Variants in ILRUN observed in about 807,000 individuals in gnomAD.
The protein encoded by ILRUN is inflammation and lipid regulator with UBA-like and NBR1-like domains.
ILRUN carries 3 observed loss-of-function variants against 33.8 expected under a neutral mutation model. That is an observed-to-expected ratio of 0.09 (90% CI 0.04 to 0.23). The LOEUF is 0.23. ILRUN is among the 10% of genes least tolerant of loss of function. The probability of loss-of-function intolerance (pLI) is 1.00; values close to 1 mark genes in which losing one functional copy is unlikely to be tolerated. For missense variants in ILRUN, 210 were observed against 375.1 expected, an observed-to-expected ratio of 0.56 and a Z score of 3.64; for synonymous variants, 124 against 138.9, an observed-to-expected ratio of 0.89 and a Z score of 0.75.
At chr6:34,611,534 C>T (rs1761753450) in intron 3 of ILRUN, among the ~76,000 whole-genome samples, 1 of 152,086 alleles carries the variant, frequency 6.6e-6, no homozygotes, top group East Asian at 1.9e-4. Context: ...ATGCGTTCAC[C>T]CCCTGCCTAC....
At chr6:34,622,921 AAAGG>A (rs1207173061) in intron 3 of ILRUN, among the ~76,000 whole-genome samples, 18 of 152,220 alleles carry the variant, frequency 1.2e-4, no homozygotes, top group South Asian at 4.1e-4. Flanking sequence ...TCAGCCTTTA[AAAGG>A]AAGGAAATTC....
At chr6:34,626,603 A>C (rs943112803) in intron 3 of ILRUN, among the ~76,000 whole-genome samples, 1 of 152,254 alleles carries the variant, frequency 6.6e-6, no homozygotes, top group Admixed American at 6.5e-5. Context: ...TCGATGAACC[A>C]ACACTGACAC....
intron 3 of ILRUN, among the ~76,000 whole-genome samples, chr6:34,632,095 T>G (rs1264066722): frequency 6.6e-6 from 1 of 152,172 alleles, no homozygotes; most frequent in Non-Finnish European, 1.5e-5. Flanking sequence ...AACAAAAAAG[T>G]TTTTTGCTTT....
intron 1 of ILRUN, among the ~76,000 whole-genome samples, chr6:34,676,304 C>A (rs9469842): frequency 0.16 from 24,126 of 151,524 alleles, 2,525 homozygotes; most frequent in African/African-American, 0.29. Context: ...GAGGCTGAGG[C>A]AGGAGGATAA....
At chr6:34,684,566 A>G (rs566264448) in intron 1 of ILRUN, among the ~76,000 whole-genome samples, 3 of 152,196 alleles carry the variant, frequency 2.0e-5, no homozygotes, top group African/African-American at 7.2e-5. Context: ...GGAGAAACAA[A>G]GGCTGTTAGG....
At chr6:34,623,823 T>G (rs1762057157) in intron 3 of ILRUN, among the ~76,000 whole-genome samples, 1 of 152,112 alleles carries the variant, frequency 6.6e-6, no homozygotes, top group South Asian at 2.1e-4. Context: ...GTATTCTTAC[T>G]CCTCCAATAC....
At chr6:34,597,824 T>C (rs939601357) in intron 4 of ILRUN, among the ~76,000 whole-genome samples, 1 of 152,208 alleles carries the variant, frequency 6.6e-6, no homozygotes, top group Admixed American at 6.5e-5. Flanking sequence ...GCAGCCAAGC[T>C]GGCCAGTGTC....
intron 3 of ILRUN, among the ~76,000 whole-genome samples, chr6:34,609,809 C>T (rs1468394732): frequency 6.6e-6 from 1 of 152,120 alleles, no homozygotes; most frequent in Non-Finnish European, 1.5e-5. Flanking sequence ...AAGCCACCAG[C>T]AGCAGCACTA....
intron 4 of ILRUN, 45 bp from the exon 5 acceptor site, chr6:34,590,645 C>T (rs1188015204): frequency 7.3e-7 from 1 of 1,371,914 alleles, no homozygotes; most frequent in Non-Finnish European, 1.0e-6. Context: ...CATAGCAGTG[C>T]AACTTGACAA....
chr6:34,651,825 C>T (rs1208664969), intron 2 of ILRUN, among the ~76,000 whole-genome samples: 2 of 124,036 alleles, frequency 1.6e-5, no homozygotes, highest in Non-Finnish European at 3.2e-5. Context: ...TGGAGTCTGG[C>T]TCTGTTGCCC....
chr6:34,659,019 A>G (rs1439217249), intron 1 of ILRUN, among the ~76,000 whole-genome samples: 1 of 152,264 alleles, frequency 6.6e-6, no homozygotes. Context: ...TATTTAATGA[A>G]CGAGCATTTA....
chr6:34,685,239 G>T (rs1763489018), intron 1 of ILRUN: 1 of 152,154 alleles, frequency 6.6e-6, no homozygotes, highest in South Asian at 2.1e-4. Context: ...GGGCCTTAAA[G>T]ATAACTCAGT....
At chr6:34,621,120 C>T (rs779482794) in intron 3 of ILRUN, among the ~76,000 whole-genome samples, 1 of 152,150 alleles carries the variant, frequency 6.6e-6, no homozygotes, top group Non-Finnish European at 1.5e-5. Context: ...TACAACGACA[C>T]TTACAAAAAG....
intron 3 of ILRUN, among the ~76,000 whole-genome samples, chr6:34,632,981 C>T (rs1488102571): frequency 6.6e-6 from 1 of 152,026 alleles, no homozygotes; most frequent in African/African-American, 2.4e-5. Context: ...ATAGTCTAAA[C>T]ACACCAATTA....
At chr6:34,596,707 G>A (rs1761406704) in intron 4 of ILRUN, among the ~76,000 whole-genome samples, 1 of 152,090 alleles carries the variant, frequency 6.6e-6, no homozygotes, top group Admixed American at 6.5e-5. Flanking sequence ...CCAAAGAATA[G>A]GAAAAAACCC....
In ILRUN at chr6:34,646,060, T is replaced by C. The variant is rs1013861233; in HGVS notation, c.511+541A>G. On this transcript the variant is annotated intron_variant, in intron 3 of 4. Coordinates refer to ENST00000374023, the MANE Select transcript of ILRUN (RefSeq NM_024294.4). This position sits in a 1 kb window ranked among gnomAD's most constrained non-coding sequence, Gnocchi z 4.9. ...GCTACTGGATTTGGAAACAGGGTAG[T>C]CCCTGATTAACTTTCATTGGAGTGG... Among the ~76,000 whole-genome samples the C allele has an allele frequency of 1.9e-4, 29 of 152,220 alleles. No homozygotes were observed. Among genetic ancestry groups the C allele is most frequent in the African/African-American group, 7.0e-4 (29 of 41,456 alleles).
At chr6:34,665,078 G>A (rs1762964689) in intron 1 of ILRUN, among the ~76,000 whole-genome samples, 1 of 151,520 alleles carries the variant, frequency 6.6e-6, no homozygotes, top group African/African-American at 2.4e-5. Context: ...TCAGGCAATC[G>A]TCCTGCCTCA....
intron 1 of ILRUN, among the ~76,000 whole-genome samples, chr6:34,690,185 G>C (rs954477295): frequency 1.3e-5 from 2 of 152,268 alleles, no homozygotes; most frequent in African/African-American, 4.8e-5. Context: ...TGCGGGCCGG[G>C]CATGGTGGCT....
At chr6:34,653,905 A>C (rs1305582723) in intron 2 of ILRUN, among the ~76,000 whole-genome samples, 1 of 147,730 alleles carries the variant, frequency 6.8e-6, no homozygotes, top group Non-Finnish European at 1.5e-5. Context: ...CAAGAGTTTA[A>C]GGCTATAGTG....
Sources: gnomAD v4.1 joint callset for allele counts (sites outside exome capture counted in the v4.1 genomes callset) on GRCh38, gnomAD v4.1.1 for gene constraint, Gnocchi (gnomAD v3.1) non-coding constraint, MANE v1.5 for transcripts, NCBI Gene and HGNC (gene_info 2026-07-23, HGNC 2026-07-21) for gene names.